ZRANB3: variants seen among roughly 807,000 people sequenced by gnomAD.
ZRANB3 encodes DNA annealing helicase and endonuclease ZRANB3.
ZRANB3 carries 125 observed loss-of-function variants against 133.8 expected under a neutral mutation model. The observed-to-expected ratio is 0.93, with a 90% CI of 0.81 to 1.08. The LOEUF is 1.08. Among genes scored for constraint, ZRANB3 ranks in the 50% least tolerant of loss-of-function variants. The pLI is 0.00. For synonymous variants in ZRANB3, 387 were observed against 432.7 expected, an observed-to-expected ratio of 0.89 and a Z score of 1.31; for missense variants, 1,229 against 1,275.5, an observed-to-expected ratio of 0.96 and a Z score of 0.56.
At chr2:135,377,860 T>C (rs1339765490) in intron 3 of ZRANB3, among the ~76,000 whole-genome samples, 1 of 152,204 alleles carries the variant, frequency 6.6e-6, no homozygotes, top group East Asian at 1.9e-4. Flanking sequence ...GTTAGCAGGC[T>C]GACAAAGGCA....
intron 2 of ZRANB3, among the ~76,000 whole-genome samples, chr2:135,472,239 G>A (rs928243141): frequency 1.3e-5 from 2 of 152,098 alleles, no homozygotes; most frequent in East Asian, 1.9e-4. Context: ...GGTGGCTCAT[G>A]CCTATAATCC....
intron 2 of ZRANB3, among the ~76,000 whole-genome samples, chr2:135,500,756 TAA>T (rs760594100): frequency 4.8e-4 from 35 of 73,646 alleles, no homozygotes; most frequent in Admixed American, 1.3e-3. Flanking sequence ...TACATATCAG[TAA>T]AAAAAAAAAA....
intron 2 of ZRANB3, among the ~76,000 whole-genome samples, chr2:135,448,891 C>G (rs1402659183): frequency 1.3e-5 from 2 of 152,218 alleles, no homozygotes; most frequent in African/African-American, 4.8e-5. Flanking sequence ...CTTCCCATCA[C>G]ACAAGTTCTT....
rs373310116 is a variant in ZRANB3, at chr2:135,246,642, G to A, written c.1540-15715C>T. Among the ~76,000 whole-genome samples the A allele has an allele frequency of 1.2e-4, 19 of 152,172 alleles. No individual in the cohort carries two copies. In the South Asian group the frequency reaches 2.1e-3, roughly 17 times the overall value. On this transcript the variant is annotated intron_variant, in intron 12 of 20. Coordinates refer to ENST00000264159, the MANE Select transcript of ZRANB3 (RefSeq NM_032143.4). ...GAGAAAAATATAATTATAACAACACGCCCATGTCATAAGGAAAGTGGAAGA... is the reference window on the plus strand; with the variant it reads ...GAGAAAAATATAATTATAACAACACACCCATGTCATAAGGAAAGTGGAAGA...
At chr2:135,265,484 A>T in intron 12 of ZRANB3, 50 bp downstream of exon 12, 1 of 1,511,538 alleles carries the variant, frequency 6.6e-7, no homozygotes, top group Non-Finnish European at 8.9e-7. Flanking sequence ...ACAAAGTTAT[A>T]GTTTCAGGAT....
chr2:135,213,015 G>A (rs1694163647), intron 17 of ZRANB3, among the ~76,000 whole-genome samples: 1 of 152,206 alleles, frequency 6.6e-6, no homozygotes, highest in African/African-American at 2.4e-5. Context: ...CAAGCTCTGA[G>A]CTTGGATGGG....
At chr2:135,461,844 ATATAG>A (rs1397737374) in intron 2 of ZRANB3, among the ~76,000 whole-genome samples, 9 of 152,228 alleles carry the variant, frequency 5.9e-5, no homozygotes, top group Non-Finnish European at 1.2e-4. Flanking sequence ...AAAATGGAAA[ATATAG>A]TATACGTCTG....
At chr2:135,372,389 G>T (rs1686223107) in intron 3 of ZRANB3, among the ~76,000 whole-genome samples, 1 of 152,082 alleles carries the variant, frequency 6.6e-6, no homozygotes, top group Admixed American at 6.6e-5. Context: ...AGTCAGATGG[G>T]ATCAAGACAA....
intron 2 of ZRANB3, among the ~76,000 whole-genome samples, chr2:135,488,797 T>C (rs1401208659): frequency 2.0e-5 from 3 of 150,302 alleles, no homozygotes; most frequent in African/African-American, 7.5e-5. Context: ...CAAATTATAA[T>C]AAAACAAACT....
intron 2 of ZRANB3, among the ~76,000 whole-genome samples, chr2:135,474,144 T>C (rs1007288324): frequency 2.0e-5 from 3 of 151,936 alleles, no homozygotes; most frequent in African/African-American, 7.3e-5. Flanking sequence ...TGAACCATGA[T>C]AGCACCCCTG....
At chr2:135,209,264 G>A (rs1348425123) in intron 17 of ZRANB3, among the ~76,000 whole-genome samples, 1 of 152,160 alleles carries the variant, frequency 6.6e-6, no homozygotes, top group Non-Finnish European at 1.5e-5. Context: ...GGGGAAAAAG[G>A]AGTCGGTGTG....
At chr2:135,511,925 T>C in intron 1 of ZRANB3, 1 of 758,410 alleles carries the variant, frequency 1.3e-6, no homozygotes. Flanking sequence ...AGCAGGGGAC[T>C]AGCCTTCTCC....
intron 2 of ZRANB3, among the ~76,000 whole-genome samples, chr2:135,493,918 G>A (rs1692531813): frequency 6.6e-6 from 1 of 152,028 alleles, no homozygotes; most frequent in Non-Finnish European, 1.5e-5. Flanking sequence ...CATATTCAGA[G>A]GTAAAACAAC....
At chr2:135,452,875 T>G (rs1482779549) in intron 2 of ZRANB3, among the ~76,000 whole-genome samples, 3 of 152,188 alleles carry the variant, frequency 2.0e-5, no homozygotes, top group Non-Finnish European at 2.9e-5. Context: ...CATTCTGGGT[T>G]CTGGAGGACG....
rs139319169 is a variant in ZRANB3 at position 135,280,454 on chromosome 2, C to T, written c.967-4699G>A. On this transcript the variant is annotated intron_variant, in intron 8 of 20. Transcript: ENST00000264159. ...TGATGGCACATGCCTGTGGTCCCAGCTACTCGGGAGGCTGAGGCAGGAGAA... is the reference window on the plus strand; with the variant it reads ...TGATGGCACATGCCTGTGGTCCCAGTTACTCGGGAGGCTGAGGCAGGAGAA... Among the ~76,000 whole-genome samples the T allele has an allele frequency of 7.1e-3, 1,082 of 152,220 alleles. 11 individuals are homozygous for T. Among genetic ancestry groups the T allele is most frequent in the African/African-American group, 0.024 (1,013 of 41,524 alleles).
At chr2:135,510,804 A>C (rs1443990742) in intron 1 of ZRANB3, 1 of 832,466 alleles carries the variant, frequency 1.2e-6, no homozygotes, top group Admixed American at 1.7e-5. Context: ...AACAAAACCA[A>C]AACTGGGTAA....
Position 135,366,893 on chromosome 2 carries a change from C to T in ZRANB3, c.181-13265G>A, listed in dbSNP as rs190135623. 1.6e-4 allele frequency among the ~76,000 whole-genome samples: 24 copies of T among 151,934 alleles called. No homozygotes were observed. The East Asian group carries it at 3.3e-3, about 21-fold the overall frequency. On this transcript the variant is annotated intron_variant, in intron 3 of 20. Coordinates refer to ENST00000264159, the MANE Select transcript of ZRANB3 (RefSeq NM_032143.4). ...AAAATTAGCTGGGCAAGGTGGCAGG[C>T]GCCTGTAGTCCCAGCTATTCAGGAG...
intron 2 of ZRANB3, among the ~76,000 whole-genome samples, chr2:135,495,570 T>C (rs1490839501): frequency 1.3e-5 from 2 of 152,220 alleles, no homozygotes; most frequent in Non-Finnish European, 2.9e-5. Context: ...TGGCAAAATG[T>C]TAAAAATATG....
chr2:135,423,653 G>T (rs1688957253), intron 2 of ZRANB3, among the ~76,000 whole-genome samples: 1 of 152,152 alleles, frequency 6.6e-6, no homozygotes, highest in Non-Finnish European at 1.5e-5. Flanking sequence ...GATTTATAGA[G>T]TTGGAACAGT....
Sources: gnomAD v4.1 joint callset for allele counts (sites outside exome capture counted in the v4.1 genomes callset) on GRCh38, gnomAD v4.1.1 for gene constraint, MANE v1.5 for transcripts, NCBI Gene and HGNC (gene_info 2026-07-23, HGNC 2026-07-21) for gene names.